Variants in RSPO2 observed in about 807,000 individuals in gnomAD.
RSPO2 encodes R-spondin-2.
Under a neutral mutation model 30.9 loss-of-function variants are expected in RSPO2, and 14 were observed. That is an observed-to-expected ratio of 0.45 (90% CI 0.30 to 0.71). The LOEUF (loss-of-function observed/expected upper bound fraction) is 0.71. RSPO2 is among the 30% of genes least tolerant of loss of function. The probability of loss-of-function intolerance (pLI) is 0.08; values close to 1 mark genes in which losing one functional copy is unlikely to be tolerated. For synonymous variants in RSPO2, 107 were observed against 96.4 expected (o/e 1.11, Z -0.64); for missense variants, 264 against 301.9 (o/e 0.87, Z 0.93).
intron 2 of RSPO2, among the ~76,000 whole-genome samples, chr8:108,007,581 G>A (rs1235949647): frequency 6.6e-6 from 1 of 152,136 alleles, no homozygotes; most frequent in African/African-American, 2.4e-5. Context: ...ACACATTCTT[G>A]CAGTTACTTC....
chr8:108,004,973 A>G (rs1433106520), intron 2 of RSPO2, among the ~76,000 whole-genome samples: 3 of 152,196 alleles, frequency 2.0e-5, no homozygotes, highest in Admixed American at 2.0e-4. Context: ...AAGCTAATGT[A>G]TCATATTATG....
intron 2 of RSPO2, among the ~76,000 whole-genome samples, chr8:108,048,622 C>G (rs1375830265): frequency 1.3e-5 from 2 of 152,116 alleles, no homozygotes; most frequent in African/African-American, 4.8e-5. Flanking sequence ...AAAACCCGCT[C>G]CTGGATTCAC....
chr8:107,961,260 G>T (rs1448322580), intron 3 of RSPO2, among the ~76,000 whole-genome samples: 1 of 152,152 alleles, frequency 6.6e-6, no homozygotes, highest in Non-Finnish European at 1.5e-5. Flanking sequence ...GTTTTAAAAT[G>T]CATGGTCTAT....
chr8:107,979,178 T>C (rs1447173174), intron 3 of RSPO2, among the ~76,000 whole-genome samples: 1 of 152,262 alleles, frequency 6.6e-6, no homozygotes, highest in African/African-American at 2.4e-5. Flanking sequence ...ATCTCATTAC[T>C]GGGTATATAC....
chr8:107,971,267 T>C (rs983940234), intron 3 of RSPO2, among the ~76,000 whole-genome samples: 6 of 152,182 alleles, frequency 3.9e-5, no homozygotes, highest in African/African-American at 1.4e-4. Context: ...ATTACCTCTA[T>C]TAAACGGAAA....
chr8:108,024,280 C>G (rs2130618593), intron 2 of RSPO2, among the ~76,000 whole-genome samples: 1 of 152,224 alleles, frequency 6.6e-6, no homozygotes, highest in Middle Eastern at 3.4e-3. Flanking sequence ...CACCTACAGA[C>G]TACTGGAAGC....
At chr8:107,998,965 G>A (rs535177931) in intron 2 of RSPO2, among the ~76,000 whole-genome samples, 4 of 152,206 alleles carry the variant, frequency 2.6e-5, no homozygotes, top group South Asian at 2.1e-4. Context: ...AATTGCTTGC[G>A]CCCAGGAAGC....
At chr8:107,967,904 C>T (rs970300493) in intron 3 of RSPO2, among the ~76,000 whole-genome samples, 2 of 152,106 alleles carry the variant, frequency 1.3e-5, no homozygotes, top group African/African-American at 2.4e-5. Context: ...CTCTCTTTGT[C>T]TTAATGTCCT....
intron 5 of RSPO2, among the ~76,000 whole-genome samples, chr8:107,949,078 T>G (rs1441439958): frequency 6.6e-6 from 1 of 151,744 alleles, no homozygotes; most frequent in African/African-American, 2.4e-5. Flanking sequence ...AATAAGTTAT[T>G]TAGTGGTGAT....
At chr8:108,071,985 T>C (rs1812860277) in intron 2 of RSPO2, among the ~76,000 whole-genome samples, 1 of 152,116 alleles carries the variant, frequency 6.6e-6, no homozygotes, top group Non-Finnish European at 1.5e-5. Flanking sequence ...AGACCATCTA[T>C]GACAGTAAAA....
intron 3 of RSPO2, among the ~76,000 whole-genome samples, chr8:107,971,070 G>A (rs1813983195): frequency 6.6e-6 from 1 of 152,178 alleles, no homozygotes; most frequent in Non-Finnish European, 1.5e-5. Flanking sequence ...AGATGCAGGT[G>A]AAAGTATTTT....
intron 3 of RSPO2, chr8:107,983,292 G>T: frequency 1.9e-6 from 3 of 1,599,364 alleles, no homozygotes; most frequent in Non-Finnish European, 2.6e-6. Context: ...CACTGGAATT[G>T]CAAAGGGATA....
chr8:107,992,786 TAGATAGCCG>T (rs1251661657), intron 2 of RSPO2, among the ~76,000 whole-genome samples: 1 of 152,146 alleles, frequency 6.6e-6, no homozygotes, highest in Non-Finnish European at 1.5e-5. Context: ...AAATAAAGAT[TAGATAGCCG>T]AGATACTATC....
intron 5 of RSPO2, among the ~76,000 whole-genome samples, chr8:107,953,037 A>G (rs1180106576): frequency 6.6e-6 from 1 of 152,230 alleles, no homozygotes; most frequent in Non-Finnish European, 1.5e-5. Flanking sequence ...AAACTGCACT[A>G]TCGTGAGTTG....
chr8:108,020,298 G>A (rs895004217), intron 2 of RSPO2, among the ~76,000 whole-genome samples: 34 of 151,980 alleles, frequency 2.2e-4, no homozygotes, highest in Middle Eastern at 3.2e-3. Context: ...TCCAGAACTT[G>A]GGCAACTCTA....
Position 108,018,393 on chromosome 8 carries a change from C to T in RSPO2, c.95-29149G>A, listed in dbSNP as rs576749962. Reference sequence around the variant, plus strand: ...TATTAACCAATATTTCCCAAACCTTCCTTAGGTCAACACAGGAGACCTCAA... The same window carrying T: ...TATTAACCAATATTTCCCAAACCTTTCTTAGGTCAACACAGGAGACCTCAA... On this transcript the variant is annotated intron_variant, in intron 2 of 5. Coordinates refer to ENST00000276659, the MANE Select transcript of RSPO2 (RefSeq NM_178565.5). Among the ~76,000 whole-genome samples the T allele has an allele frequency of 2.6e-5, 4 of 152,338 alleles. No homozygotes were observed. The East Asian group carries it at 7.7e-4, about 29-fold the overall frequency.
At chr8:108,068,680 T>C (rs565792053) in intron 2 of RSPO2, among the ~76,000 whole-genome samples, 13 of 152,262 alleles carry the variant, frequency 8.5e-5, no homozygotes, top group South Asian at 2.1e-4. Context: ...CCTAATCTAA[T>C]AGAACTGGTT....
intron 2 of RSPO2, among the ~76,000 whole-genome samples, chr8:108,038,810 T>C (rs916042625): frequency 2.0e-5 from 3 of 152,122 alleles, no homozygotes; most frequent in Non-Finnish European, 4.4e-5. Context: ...ACATTGTTTA[T>C]TTCGACATAA....
chr8:107,989,103 G>A lies in RSPO2; in HGVS notation c.236C>T (p.Pro79Leu), dbSNP rs1284433818. Residue 79 changes from proline (P) to leucine (L), a missense_variant, in exon 3 of 6, where the codon CCA becomes CTA. By Grantham distance (98) the Pro-to-Leu change is moderately conservative (BLOSUM62 -3). Coordinates refer to ENST00000276659, the MANE Select transcript of RSPO2 (RefSeq NM_178565.5). Reference protein sequence around the residue: ...RQYGECLHSCPSGYYGHRAPD... With the variant: ...RQYGECLHSCLSGYYGHRAPD... ...GGCTCGGTGTCCATAGTACCCGGAT[G>A]GGCAGGAATGCAGGCACTCTCCATA... is the stretch of plus-strand genomic sequence containing the variant. 1 of 1,609,258 alleles carries A rather than the reference G, an allele frequency of 6.2e-7. No homozygotes were observed. Among genetic ancestry groups the A allele is most frequent in the African/African-American group, 1.3e-5 (1 of 74,608 alleles).
Sources: allele counts gnomAD v4.1 joint callset (sites outside exome capture counted in the v4.1 genomes callset), GRCh38; gene constraint gnomAD v4.1.1; transcripts MANE v1.5; gene names NCBI Gene and HGNC (gene_info 2026-07-23, HGNC 2026-07-21).